The following CYP4Z1 variants were observed in gnomAD, a reference collection of about 807,000 sequenced individuals.
CYP4Z1 encodes cytochrome P450 family 4 subfamily Z member 1.
In CYP4Z1, 41 loss-of-function variants were observed where a neutral mutation model predicts 54.2. The observed-to-expected ratio is 0.76, with a 90% CI of 0.59 to 0.98. The LOEUF (loss-of-function observed/expected upper bound fraction) is 0.98. Among genes scored for constraint, CYP4Z1 ranks in the 50% least tolerant of loss-of-function variants. CYP4Z1 has a pLI of 0.00. For missense variants in CYP4Z1, 513 were observed against 599.0 expected, an observed-to-expected ratio of 0.86 and a Z score of 1.50; for synonymous variants, 163 against 206.2, an observed-to-expected ratio of 0.79 and a Z score of 1.79.
intron 2 of CYP4Z1, 152 bp downstream of exon 2, chr1:47,068,915 T>C (rs1399706450): frequency 1.9e-6 from 2 of 1,066,660 alleles, no homozygotes; most frequent in Non-Finnish European, 1.3e-6. Flanking sequence ...CTCAACATCA[T>C]AGTCAGGACT....
At position 47,086,414 on chromosome 1, in the gene CYP4Z1, T is replaced by C. The variant is rs373560013; in HGVS notation, c.772+1436T>C. On this transcript the variant is annotated intron_variant, in intron 6 of 11. Transcript: ENST00000334194. ...ACTGGTGTGAGATGGTATCTCATTG[T>C]GGTTTTGATTTGCATTTCTCTGATG... Among the ~76,000 whole-genome samples, 1,392 of 152,318 alleles carry C rather than the reference T, an allele frequency of 9.1e-3. 14 individuals carry two copies. The highest frequency in any genetic ancestry group is 0.01 in the Non-Finnish European group (687 of 68,032).
chr1:47,059,884 A>T, the CYP4Z1 span, among the ~76,000 whole-genome samples: 4 of 152,006 alleles, frequency 2.6e-5, no homozygotes, highest in Non-Finnish European at 5.9e-5. Flanking sequence ...TTCTGCTCCC[A>T]CCCTTTTCTC....
At chr1:47,078,834 G>T (rs2148527993) in intron 2 of CYP4Z1, among the ~76,000 whole-genome samples, 2 of 143,978 alleles carry the variant, frequency 1.4e-5, no homozygotes, top group East Asian at 2.3e-4. Flanking sequence ...AAAGCCTGTG[G>T]TCTTATCAGG....
upstream of CYP4Z1, among the ~76,000 whole-genome samples, chr1:47,067,095 T>C (rs1644455438): frequency 6.6e-6 from 1 of 152,034 alleles, no homozygotes; most frequent in Admixed American, 6.6e-5. Flanking sequence ...ATAAATTCTA[T>C]CAGAAACATA....
upstream of CYP4Z1, among the ~76,000 whole-genome samples, chr1:47,065,902 C>T (rs543278127): frequency 6.6e-6 from 1 of 152,142 alleles, no homozygotes; most frequent in Admixed American, 6.5e-5. Flanking sequence ...CCATGAATGC[C>T]TTTATATGCA....
At chr1:47,056,103 C>A in the CYP4Z1 span, among the ~76,000 whole-genome samples, 2 of 151,996 alleles carry the variant, frequency 1.3e-5, no homozygotes, top group African/African-American at 2.4e-5. Context: ...GTGTCCCATA[C>A]ATTCTGGTAT....
intron 10 of CYP4Z1, among the ~76,000 whole-genome samples, chr1:47,115,919 G>A (rs1034462448): frequency 2.0e-5 from 3 of 152,200 alleles, no homozygotes; most frequent in African/African-American, 4.8e-5. Context: ...GACTTGTGAA[G>A]TGTATTGCAA....
chr1:47,087,566 G>T (rs1359546975), intron 6 of CYP4Z1, among the ~76,000 whole-genome samples: 3 of 152,190 alleles, frequency 2.0e-5, no homozygotes, highest in Non-Finnish European at 2.9e-5. Flanking sequence ...CTTTGCTGAA[G>T]TTGCTTATCA....
chr1:47,112,550 A>G lies in CYP4Z1; in HGVS notation c.1202-2979A>G, dbSNP rs1644801190. Among the ~76,000 whole-genome samples, 3 of 152,212 alleles carry G rather than the reference A, an allele frequency of 2.0e-5. No individual in the cohort carries two copies. The South Asian group carries it at 6.2e-4, about 32-fold the overall frequency. Reference sequence around the variant, plus strand: ...CTAAAAATTGAACAAAAATATATTTAGATAAAAATCACTTATGTATATAAG... The same window carrying G: ...CTAAAAATTGAACAAAAATATATTTGGATAAAAATCACTTATGTATATAAG... On this transcript the variant is annotated intron_variant, in intron 9 of 11. Coordinates refer to ENST00000334194, the MANE Select transcript of CYP4Z1 (RefSeq NM_178134.3).
At chr1:47,102,218 T>A (rs1368009346) in intron 8 of CYP4Z1, among the ~76,000 whole-genome samples, 1 of 152,198 alleles carries the variant, frequency 6.6e-6, no homozygotes, top group Non-Finnish European at 1.5e-5. Flanking sequence ...AATGTATACC[T>A]TTTAAGTGGA....
intron 11 of CYP4Z1, among the ~76,000 whole-genome samples, chr1:47,117,015 G>A (rs1644835039): frequency 6.6e-6 from 1 of 152,152 alleles, no homozygotes; most frequent in Non-Finnish European, 1.5e-5. Flanking sequence ...ACTTGCAATG[G>A]ACAAGCATTG....
intron 6 of CYP4Z1, among the ~76,000 whole-genome samples, chr1:47,087,189 T>C (rs1569721586): frequency 1.3e-5 from 2 of 152,296 alleles, no homozygotes; most frequent in South Asian, 2.1e-4. Flanking sequence ...TCTTTTTTGG[T>C]TCCATATGAA....
At chr1:47,088,487 G>A (rs546086792) in intron 6 of CYP4Z1, among the ~76,000 whole-genome samples, 1 of 152,148 alleles carries the variant, frequency 6.6e-6, no homozygotes, top group Non-Finnish European at 1.5e-5. Flanking sequence ...TTGCTTAGAG[G>A]CGTTTATAGT....
chr1:47,059,275 A>C, the CYP4Z1 span, among the ~76,000 whole-genome samples: 1 of 152,218 alleles, frequency 6.6e-6, no homozygotes, highest in African/African-American at 2.4e-5. Flanking sequence ...CCTGAGGTTA[A>C]CATTTTACAT....
chr1:47,076,681 T>TA (rs953125717), intron 2 of CYP4Z1, among the ~76,000 whole-genome samples: 2 of 150,696 alleles, frequency 1.3e-5, no homozygotes, highest in African/African-American at 4.9e-5. Context: ...CCGTCTCTAC[T>TA]AAAAATACAA....
upstream of CYP4Z1, among the ~76,000 whole-genome samples, chr1:47,064,778 A>G (rs1644441270): frequency 6.6e-6 from 1 of 152,222 alleles, no homozygotes; most frequent in African/African-American, 2.4e-5. Flanking sequence ...GAAATTACCA[A>G]CCAAATTTCT....
chr1:47,085,876 A>C (rs1240696121), intron 6 of CYP4Z1, among the ~76,000 whole-genome samples: 1 of 113,230 alleles, frequency 8.8e-6, no homozygotes, highest in African/African-American at 3.5e-5. Flanking sequence ...CCAGTGTGTG[A>C]TGTTCCCCTT....
chr1:47,115,405 C>A, intron 9 of CYP4Z1, 124 bp from the exon 10 acceptor site: 1 of 810,312 alleles, frequency 1.2e-6, no homozygotes, highest in Non-Finnish European at 2.0e-6. Flanking sequence ...ATGTAACAAA[C>A]CTTCATGTTG....
At chr1:47,089,088 A>G (rs1450821699) in intron 6 of CYP4Z1, among the ~76,000 whole-genome samples, 19 of 148,662 alleles carry the variant, frequency 1.3e-4, no homozygotes, top group Non-Finnish European at 1.5e-5. Context: ...ACCGATTTTT[A>G]TCCCTTCTTT....
Sources: gnomAD v4.1 joint callset for allele counts (sites outside exome capture counted in the v4.1 genomes callset) on GRCh38, gnomAD v4.1.1 for gene constraint, MANE v1.5 for transcripts, NCBI Gene and HGNC (gene_info 2026-07-23, HGNC 2026-07-21) for gene names.